ADAM17: variants seen among roughly 807,000 people sequenced by gnomAD.
ADAM17 encodes ADAM metallopeptidase domain 17.
ADAM17 carries 39 observed loss-of-function variants against 96.7 expected under a neutral mutation model. The observed-to-expected ratio is 0.40, with a 90% CI of 0.31 to 0.53. The LOEUF is 0.53. Among genes scored for constraint, ADAM17 ranks in the 20% least tolerant of loss-of-function variants. The probability of loss-of-function intolerance (pLI) is 0.44; values close to 1 mark genes in which losing one functional copy is unlikely to be tolerated. For synonymous variants in ADAM17, 344 were observed against 359.2 expected, an observed-to-expected ratio of 0.96 and a Z score of 0.48; for missense variants, 777 against 1,013.2, an observed-to-expected ratio of 0.77 and a Z score of 3.17.
At chr2:9,543,001 G>T in intron 2 of ADAM17, 152 bp downstream of exon 2, 1 of 1,028,452 alleles carries the variant, frequency 9.7e-7, no homozygotes, top group Non-Finnish European at 1.3e-6. Context: ...CCCAGCCCCA[G>T]TATGAATTTT....
chr2:9,511,930 A>T (rs1206467989), intron 10 of ADAM17, among the ~76,000 whole-genome samples: 1 of 152,062 alleles, frequency 6.6e-6, no homozygotes, highest in Non-Finnish European at 1.5e-5. Context: ...GAGATAGGCC[A>T]CTGAACCCCC....
In ADAM17 at chr2:9,489,983, C is replaced by T. The variant is rs1661980408; in HGVS notation, c.*194G>A. The T allele has an allele frequency of 1.9e-6, 1 of 516,934 alleles. No individual in the cohort carries two copies. The highest frequency in any genetic ancestry group is 3.4e-6 in the Non-Finnish European group (1 of 297,202). The allele number at this position is 516,934 out of a possible 1,614,324, so 32.0% of individuals were successfully genotyped here. A position where few individuals can be genotyped will look rare whatever the true frequency, so the allele number is the denominator to read the frequency against. On this transcript the variant is annotated 3_prime_UTR_variant, in exon 19 of 19. Transcript: ENST00000310823. ...TGAAAGCCTCAAAATAAGCTAGATT[C>T]ACCTTCACCTTACCTTTTCAAAAGG...
chr2:9,510,465 A>G (rs1572914465), intron 10 of ADAM17, among the ~76,000 whole-genome samples: 1 of 152,100 alleles, frequency 6.6e-6, no homozygotes, highest in Admixed American at 6.5e-5. Context: ...GGAGTTCGAG[A>G]CCAGCCTGGC....
At chr2:9,494,313 T>C (rs780737711) in intron 15 of ADAM17, among the ~76,000 whole-genome samples, 1 of 152,172 alleles carries the variant, frequency 6.6e-6, no homozygotes, top group South Asian at 2.1e-4. Flanking sequence ...CTGAATAATT[T>C]TGCAATCTTA....
intron 10 of ADAM17, 90 bp from the exon 11 acceptor site, chr2:9,510,221 CTT>C (rs2125008005): frequency 1.7e-5 from 23 of 1,372,800 alleles, no homozygotes; most frequent in Middle Eastern, 1.8e-4. Context: ...TAAATAGAGC[CTT>C]ATAATCAGAT....
At chr2:9,515,676 G>A (rs1474265731) in intron 10 of ADAM17, among the ~76,000 whole-genome samples, 3 of 149,982 alleles carry the variant, frequency 2.0e-5, no homozygotes, top group Non-Finnish European at 4.4e-5. Flanking sequence ...AGAGGTTGCA[G>A]TGAGCCGAGA....
chr2:9,527,709 ACAAATAACAAC>A, intron 5 of ADAM17, 66 bp downstream of exon 5: 1 of 1,016,894 alleles, frequency 9.8e-7, no homozygotes, highest in Non-Finnish European at 1.3e-6. Flanking sequence ...TTATTTTTTA[ACAAATAACAAC>A]CACCCCTACT....
Position 9,505,531 on chromosome 2 carries a change from T to C in ADAM17, c.1345-166A>G, listed in dbSNP as rs923167594. ...CAGTCTCCTCCAAAGGCCACTGATA[T>C]GGAACTGGGAACCTCCCTCCATAGA... is the stretch of plus-strand genomic sequence containing the variant. On this transcript the variant is annotated intron_variant, in intron 11 of 18. Coordinates refer to ENST00000310823, the MANE Select transcript of ADAM17 (RefSeq NM_003183.6). 1.2e-4 allele frequency: 80 copies of C among 659,630 alleles called. 1 individual carries two copies. The Admixed American group carries it at 2.0e-3, about 17-fold the overall frequency. 40.9% of individuals were successfully genotyped at this position (659,630 alleles called of 1,614,324 possible).
intron 10 of ADAM17, among the ~76,000 whole-genome samples, chr2:9,515,908 T>C (rs773906065): frequency 2.0e-5 from 3 of 152,130 alleles, no homozygotes; most frequent in African/African-American, 7.2e-5. Flanking sequence ...AATAAGCTAC[T>C]AGTAATAGCA....
Position 9,508,529 on chromosome 2 carries a change from T to C in ADAM17, c.1344+1450A>G, listed in dbSNP as rs532817496. ...TGTTGAAACCATTGCTATAAGTCAA[T>C]TTTAGGACATTTCCATCCTTCCAGT... On this transcript the variant is annotated intron_variant, in intron 11 of 18. Transcript: ENST00000310823. Among the ~76,000 whole-genome samples the C allele has an allele frequency of 2.0e-5, 3 of 152,378 alleles. No homozygotes were observed. The South Asian group carries it at 6.2e-4, about 32-fold the overall frequency.
chr2:9,514,505 A>C (rs1663928666), intron 10 of ADAM17, among the ~76,000 whole-genome samples: 1 of 123,550 alleles, frequency 8.1e-6, no homozygotes, highest in South Asian at 2.7e-4. Context: ...CTAGAACTTA[A>C]ATTTAAAATA....
At chr2:9,502,955 A>G (rs557940169) in intron 12 of ADAM17, among the ~76,000 whole-genome samples, 2 of 151,354 alleles carry the variant, frequency 1.3e-5, no homozygotes, top group East Asian at 1.9e-4. Flanking sequence ...CCTGGCCAAC[A>G]TGGTGAAACT....
At chr2:9,490,813 T>A (rs1424361091) in intron 18 of ADAM17, among the ~76,000 whole-genome samples, 2 of 152,202 alleles carry the variant, frequency 1.3e-5, no homozygotes, top group Admixed American at 1.3e-4. Context: ...CAAGGTAAGA[T>A]CCCAAGAGAG....
intron 14 of ADAM17, 30 bp downstream of exon 14, chr2:9,497,084 T>C (rs1438951354): frequency 1.2e-6 from 2 of 1,607,064 alleles, no homozygotes; most frequent in Admixed American, 1.7e-5. Context: ...TGTTTTCTCC[T>C]GCTGCTGGAC....
At chr2:9,501,418 T>C (rs1390056578) in intron 13 of ADAM17, among the ~76,000 whole-genome samples, 4 of 152,110 alleles carry the variant, frequency 2.6e-5, no homozygotes, top group African/African-American at 9.7e-5. Flanking sequence ...GACTACACAA[T>C]GACACTCCTC....
At chr2:9,516,806 T>G (rs1245556485) in intron 10 of ADAM17, among the ~76,000 whole-genome samples, 1 of 152,154 alleles carries the variant, frequency 6.6e-6, no homozygotes, top group African/African-American at 2.4e-5. Flanking sequence ...GATACTAATA[T>G]GTCCTACCAA....
intron 6 of ADAM17, among the ~76,000 whole-genome samples, chr2:9,525,062 G>A (rs1302254710): frequency 2.0e-5 from 3 of 152,192 alleles, no homozygotes; most frequent in East Asian, 1.9e-4. Flanking sequence ...CAGATTAAGA[G>A]AGAAGCTTTT....
Position 9,494,856 on chromosome 2 carries a change from A to G in ADAM17, c.1784-89T>C, listed in dbSNP as rs1258112388. ...TCTTTCCTCCCTGACCATGCTCCCA[A>G]AGAGGTAAGAAATCACATTTATTTT... On this transcript the variant is annotated intron_variant, in intron 14 of 18. Coordinates refer to ENST00000310823, the MANE Select transcript of ADAM17 (RefSeq NM_003183.6). 5 of 1,490,634 alleles carry G rather than the reference A, an allele frequency of 3.4e-6. No individual in the cohort carries two copies. The African/African-American group carries it at 4.3e-5, about 13-fold the overall frequency. The allele number at this position is 1,490,634 out of a possible 1,614,324, so 92.3% of individuals were successfully genotyped here. A position where few individuals can be genotyped will look rare whatever the true frequency, so the allele number is the denominator to read the frequency against.
At position 9,523,248 on chromosome 2, in the gene ADAM17, C is replaced by T; in HGVS notation, c.843+1G>A. On this transcript the variant is annotated splice_donor_variant, in intron 7 of 18. Transcript: ENST00000310823. LOFTEE classifies it high-confidence loss of function. ...TATAAGCCATATCTATTGATAAATACCTGCTCTATCTGTATTCCATAGCCT... is the reference window on the plus strand; with the variant it reads ...TATAAGCCATATCTATTGATAAATATCTGCTCTATCTGTATTCCATAGCCT... 1 of 1,597,454 alleles carries T rather than the reference C, an allele frequency of 6.3e-7. No homozygotes were observed. The highest frequency in any genetic ancestry group is 1.7e-5 in the Admixed American group (1 of 58,992).
Sources: gnomAD v4.1 joint callset for allele counts (sites outside exome capture counted in the v4.1 genomes callset) on GRCh38, gnomAD v4.1.1 for gene constraint, MANE v1.5 for transcripts, NCBI Gene and HGNC (gene_info 2026-07-23, HGNC 2026-07-21) for gene names.